Variants in RBFOX1 observed in about 807,000 individuals in gnomAD.
RBFOX1 encodes the protein RNA binding fox-1 homolog 1.
RBFOX1 carries 8 observed loss-of-function variants against 57.7 expected under a neutral mutation model. The ratio of observed to expected loss-of-function variants is 0.14; its 90% confidence interval spans 0.08 to 0.25. The LOEUF (loss-of-function observed/expected upper bound fraction) is 0.25, where lower values mean the gene tolerates loss of function less well. Among genes scored for constraint, RBFOX1 ranks in the 10% least tolerant of loss-of-function variants. RBFOX1 has a pLI of 1.00. For synonymous variants in RBFOX1, 326 were observed against 222.4 expected (o/e 1.47, Z -4.15); for missense variants, 611 against 548.5 (o/e 1.11, Z -1.14).
At chr16:6,859,934 G>A (rs1009417306) in intron 3 of RBFOX1, among the ~76,000 whole-genome samples, 1 of 152,190 alleles carries the variant, frequency 6.6e-6, no homozygotes, top group Non-Finnish European at 1.5e-5. Flanking sequence ...GCAAATTAAT[G>A]AATTGAGACA....
intron 4 of RBFOX1, among the ~76,000 whole-genome samples, chr16:7,105,189 T>A (rs1312090948): frequency 1.3e-5 from 2 of 152,152 alleles, no homozygotes; most frequent in Non-Finnish European, 2.9e-5. Context: ...ACCAGTCACA[T>A]TGGCTTGGCA....
At chr16:6,138,501 C>G (rs951356572) in intron 1 of RBFOX1, among the ~76,000 whole-genome samples, 2 of 152,084 alleles carry the variant, frequency 1.3e-5, no homozygotes, top group African/African-American at 4.8e-5. Flanking sequence ...GCATGTTTGC[C>G]TTTTTAAAGC....
At chr16:5,740,971 G>T (rs1277935652) in intron 3 of RBFOX1, among the ~76,000 whole-genome samples, 2 of 152,056 alleles carry the variant, frequency 1.3e-5, no homozygotes, top group African/African-American at 2.4e-5. Flanking sequence ...ATGAGGGATG[G>T]TCCTTAAAAT....
intron 1 of RBFOX1, among the ~76,000 whole-genome samples, chr16:6,271,463 G>A (rs1410647177): frequency 6.6e-6 from 1 of 152,062 alleles, no homozygotes; most frequent in Non-Finnish European, 1.5e-5. Flanking sequence ...TTATAAAGAT[G>A]AGAGCAGAAA....
At chr16:7,413,480 G>C (rs562524640) in intron 4 of RBFOX1, among the ~76,000 whole-genome samples, 1 of 152,056 alleles carries the variant, frequency 6.6e-6, no homozygotes, top group African/African-American at 2.4e-5. Flanking sequence ...TCCAAGGTGA[G>C]GTCAACACTA....
chr16:6,986,945 T>A (rs1274007046), intron 3 of RBFOX1, among the ~76,000 whole-genome samples: 1 of 152,160 alleles, frequency 6.6e-6, no homozygotes, highest in African/African-American at 2.4e-5. Flanking sequence ...CCACCCCGCC[T>A]GCATTCCCTA....
chr16:7,252,639 G>C (rs1213896889), intron 4 of RBFOX1, among the ~76,000 whole-genome samples: 1 of 151,434 alleles, frequency 6.6e-6, no homozygotes, highest in African/African-American at 2.4e-5. Flanking sequence ...CAGTTAACCT[G>C]CTTTACTCAT....
chr16:6,591,341 C>T (rs1316768113), intron 2 of RBFOX1, among the ~76,000 whole-genome samples: 1 of 152,052 alleles, frequency 6.6e-6, no homozygotes, highest in Non-Finnish European at 1.5e-5. Context: ...GTAGTCCCAG[C>T]TACTTGGGAG....
intron 7 of RBFOX1, among the ~76,000 whole-genome samples, chr16:7,589,048 T>C (rs2152905819): frequency 6.6e-6 from 1 of 152,346 alleles, no homozygotes; most frequent in East Asian, 1.9e-4. Flanking sequence ...CTGCTTCTTG[T>C]AGGAAAGTTA....
intron 1 of RBFOX1, among the ~76,000 whole-genome samples, chr16:6,125,050 A>G (rs1375390152): frequency 2.0e-5 from 3 of 152,088 alleles, no homozygotes; most frequent in Non-Finnish European, 2.9e-5. Context: ...GACATCACCT[A>G]GACAAGTGAT....
intron 3 of RBFOX1, among the ~76,000 whole-genome samples, chr16:6,932,070 C>G (rs538484312): frequency 6.6e-6 from 1 of 152,204 alleles, no homozygotes; most frequent in South Asian, 2.1e-4. Flanking sequence ...CCTTCATGAC[C>G]TGATCATCTT....
chr16:6,776,561 G>T (rs921390368), intron 3 of RBFOX1, among the ~76,000 whole-genome samples: 2 of 152,162 alleles, frequency 1.3e-5, no homozygotes, highest in African/African-American at 2.4e-5. Flanking sequence ...CTCATCCATG[G>T]TTGACACTGT....
intron 4 of RBFOX1, among the ~76,000 whole-genome samples, chr16:7,478,147 A>G (rs1204230040): frequency 1.3e-5 from 2 of 152,220 alleles, no homozygotes; most frequent in Admixed American, 6.5e-5. Flanking sequence ...ATTTGTTAGA[A>G]TGCATCTGTA....
intron 4 of RBFOX1, among the ~76,000 whole-genome samples, chr16:5,909,486 G>C (rs4786792): frequency 0.27 from 41,631 of 152,060 alleles, 6,420 homozygotes; most frequent in South Asian, 0.47. Flanking sequence ...AGGGCCTCCC[G>C]TCAGTCAGTC....
At chr16:6,655,822 G>T (rs932962553) in intron 3 of RBFOX1, among the ~76,000 whole-genome samples, 1 of 152,182 alleles carries the variant, frequency 6.6e-6, no homozygotes, top group African/African-American at 2.4e-5. Context: ...ATTTCAAGCA[G>T]AGGTTTTCAG....
chr16:6,997,655 C>T (rs2092382702), intron 3 of RBFOX1, among the ~76,000 whole-genome samples: 1 of 152,056 alleles, frequency 6.6e-6, no homozygotes, highest in South Asian at 2.1e-4. Flanking sequence ...TTCTCTTTGT[C>T]AGGGTATTGT....
intron 1 of RBFOX1, among the ~76,000 whole-genome samples, chr16:5,294,178 G>C (rs1468259755): frequency 1.3e-5 from 2 of 152,134 alleles, no homozygotes; most frequent in Non-Finnish European, 2.9e-5. Flanking sequence ...GCAGTGAGCT[G>C]AGATCACACC....
chr16:6,104,846 C>T (rs1021041942), intron 1 of RBFOX1, among the ~76,000 whole-genome samples: 8 of 152,154 alleles, frequency 5.3e-5, no homozygotes, highest in Non-Finnish European at 1.0e-4. Flanking sequence ...CAAAAGACTA[C>T]TTATTATGAG....
chr16:7,246,299 C>G (rs2094295877), intron 4 of RBFOX1, among the ~76,000 whole-genome samples: 1 of 152,182 alleles, frequency 6.6e-6, no homozygotes, highest in Admixed American at 6.5e-5. Context: ...CTGGGCAGCT[C>G]CAGCAGCACC....
Sources: allele counts gnomAD v4.1 joint callset (sites outside exome capture counted in the v4.1 genomes callset), GRCh38; gene constraint gnomAD v4.1.1; transcripts MANE v1.5; gene names NCBI Gene and HGNC (gene_info 2026-07-23, HGNC 2026-07-21).